ASCC3: variants seen among roughly 807,000 people sequenced by gnomAD.
ASCC3 encodes ASC-1 complex subunit P200.
ASCC3 carries 158 observed loss-of-function variants against 256.3 expected under a neutral mutation model. The ratio of observed to expected loss-of-function variants is 0.62; its 90% CI spans 0.54 to 0.70. The LOEUF (loss-of-function observed/expected upper bound fraction) is 0.70. ASCC3 is among the 30% of genes least tolerant of loss of function. The pLI is 0.00. For synonymous variants in ASCC3, 948 were observed against 883.4 expected (o/e 1.07, Z -1.30); for missense variants, 2,259 against 2,626.0 (o/e 0.86, Z 3.05).
chr6:100,767,233 G>C lies in ASCC3; in HGVS notation c.1508C>G (p.Ala503Gly). The C allele has an allele frequency of 6.2e-7, 1 of 1,614,032 alleles. No homozygotes were observed. Among genetic ancestry groups the C allele is most frequent in the Non-Finnish European group, 8.5e-7 (1 of 1,179,998 alleles). The stretch of plus-strand genomic sequence containing the variant: ...CAGCATTGCAATGTTGGTTTTTCCA[G>C]CTCCTGTAGGGGCACAAATCAGCAT... ...ENMLICAPTG[A>G]GKTNIAMLTV... The change falls in exon 9 of 42, where the codon GCT becomes GGT. Residue 503 changes from alanine to glycine, a missense_variant. Physicochemically the swap from Ala to Gly is moderately conservative, Grantham distance 60. Around this residue, in one of 2 missense-constraint regions of ASCC3, gnomAD observed 1,839 missense variants for 2,206.7 expected, o/e 0.83. Coordinates refer to ENST00000369162, the MANE Select transcript of ASCC3 (RefSeq NM_006828.4).
intron 32 of ASCC3, among the ~76,000 whole-genome samples, chr6:100,606,156 C>A (rs1169790467): frequency 6.6e-6 from 1 of 151,960 alleles, no homozygotes; most frequent in Non-Finnish European, 1.5e-5. Context: ...AAATTTCTTT[C>A]TTTTAGTCTA....
intron 37 of ASCC3, chr6:100,531,000 T>C (rs1304970709): frequency 2.5e-6 from 4 of 1,595,182 alleles, no homozygotes; most frequent in Non-Finnish European, 3.4e-6. Context: ...ATTGATGACT[T>C]TGTGGAATTT....
At chr6:100,682,101 A>G (rs948409245) in intron 13 of ASCC3, among the ~76,000 whole-genome samples, 1 of 152,196 alleles carries the variant, frequency 6.6e-6, no homozygotes. Context: ...TTCTTTTTAA[A>G]GAGCAAGGCA....
chr6:100,607,729 T>C (rs988133129), intron 30 of ASCC3, among the ~76,000 whole-genome samples: 1 of 151,704 alleles, frequency 6.6e-6, no homozygotes, highest in Admixed American at 6.6e-5. Flanking sequence ...CATATACCTA[T>C]TCAAAAATTG....
At chr6:100,570,869 C>A (rs1770551747) in intron 36 of ASCC3, among the ~76,000 whole-genome samples, 1 of 152,134 alleles carries the variant, frequency 6.6e-6, no homozygotes, top group African/African-American at 2.4e-5. Flanking sequence ...ATCATTAATT[C>A]CTATTGGCTC....
At chr6:100,691,526 A>G (rs1415748298) in intron 13 of ASCC3, among the ~76,000 whole-genome samples, 1 of 152,014 alleles carries the variant, frequency 6.6e-6, no homozygotes, top group African/African-American at 2.4e-5. Context: ...ATTTATAAAC[A>G]TGAATAACTT....
intron 13 of ASCC3, among the ~76,000 whole-genome samples, chr6:100,702,614 C>T (rs555539800): frequency 1.4e-4 from 22 of 152,004 alleles, no homozygotes; most frequent in African/African-American, 4.3e-4. Context: ...TCTAAGGCCA[C>T]GCCTGGTAGA....
At chr6:100,656,188 G>A (rs1369635828) in intron 16 of ASCC3, among the ~76,000 whole-genome samples, 2 of 151,458 alleles carry the variant, frequency 1.3e-5, no homozygotes, top group African/African-American at 4.8e-5. Flanking sequence ...GCTGAAAAAT[G>A]TAAGTGTTAA....
chr6:100,677,048 T>C (rs917398694), intron 14 of ASCC3, among the ~76,000 whole-genome samples: 7 of 152,072 alleles, frequency 4.6e-5, no homozygotes, highest in African/African-American at 9.7e-5. Flanking sequence ...TAATTTCCCA[T>C]TTTTCAAAAA....
At chr6:100,629,955 T>C (rs147037889) in intron 26 of ASCC3, among the ~76,000 whole-genome samples, 3 of 152,114 alleles carry the variant, frequency 2.0e-5, no homozygotes, top group Non-Finnish European at 4.4e-5. Flanking sequence ...TAGAGTGTAG[T>C]GGCTTGATCT....
intron 3 of ASCC3, among the ~76,000 whole-genome samples, chr6:100,862,306 C>T (rs776895988): frequency 3.3e-4 from 51 of 152,262 alleles, no homozygotes; most frequent in Non-Finnish European, 3.7e-4. Flanking sequence ...CCTTGAACTT[C>T]GGAAGATCTA....
chr6:100,799,511 C>T lies in ASCC3; in HGVS notation c.1189G>A (p.Val397Ile), dbSNP rs376345263. The T allele has an allele frequency of 2.0e-5, 33 of 1,612,920 alleles. No homozygotes were observed. Among genetic ancestry groups the T allele is most frequent in the Admixed American group, 6.7e-5 (4 of 59,910 alleles). ...PILSRQRDAD[V>I]EKIHYPHVYD... ...ACATGGGGATAATGTATTTTTTCAA[C>T]GTCTGCATCTCTCTGCCTGCTCAGA... Residue 397 changes from valine (V) to isoleucine (I), a missense_variant, in exon 7 of 42, where the codon GTT (valine) becomes ATT (isoleucine). By Grantham distance (29) the Val-to-Ile change is conservative. Around this residue, in one of 2 missense-constraint regions of ASCC3, gnomAD observed 1,839 missense variants for 2,206.7 expected, o/e 0.83. Transcript: ENST00000369162.
At chr6:100,565,383 G>A (rs1191535902) in intron 36 of ASCC3, among the ~76,000 whole-genome samples, 1 of 152,046 alleles carries the variant, frequency 6.6e-6, no homozygotes, top group South Asian at 2.1e-4. Context: ...CTTAGTGAAG[G>A]AGTAATGACC....
intron 8 of ASCC3, among the ~76,000 whole-genome samples, chr6:100,769,198 T>C (rs867121586): frequency 1.1e-4 from 17 of 152,000 alleles, no homozygotes; most frequent in African/African-American, 4.1e-4. Flanking sequence ...AGTATAATAG[T>C]GGTTACCAGA....
intron 3 of ASCC3, among the ~76,000 whole-genome samples, chr6:100,860,028 GC>G: frequency 6.6e-6 from 1 of 151,968 alleles, no homozygotes; most frequent in Middle Eastern, 3.4e-3. Flanking sequence ...ACTACTCTTG[GC>G]CCCCATCTTA....
intron 8 of ASCC3, among the ~76,000 whole-genome samples, chr6:100,785,203 A>T (rs183522999): frequency 4.0e-4 from 61 of 152,252 alleles, no homozygotes; most frequent in African/African-American, 1.2e-3. Flanking sequence ...CCTAATATTA[A>T]ATCTGTGAAA....
chr6:100,662,620 G>T (rs1049792761), intron 14 of ASCC3, 84 bp from the exon 15 acceptor site: 5 of 1,285,718 alleles, frequency 3.9e-6, no homozygotes, highest in South Asian at 1.2e-5. Context: ...GTTCATCAAA[G>T]AAATCAGAAA....
chr6:100,720,170 C>T (rs796142113), intron 11 of ASCC3, among the ~76,000 whole-genome samples: 4 of 151,774 alleles, frequency 2.6e-5, no homozygotes, highest in South Asian at 2.1e-4. Context: ...ACTAATACTT[C>T]GAAAATATGA....
intron 14 of ASCC3, among the ~76,000 whole-genome samples, chr6:100,666,597 C>T (rs1282638393): frequency 6.6e-6 from 1 of 152,008 alleles, no homozygotes; most frequent in Non-Finnish European, 1.5e-5. Flanking sequence ...AAACATCTTC[C>T]ATGTTCTTGG....
Sources: gnomAD v4.1 joint callset for allele counts (sites outside exome capture counted in the v4.1 genomes callset) on GRCh38, gnomAD v4.1.1 for gene constraint, gnomAD v4.1.1 regional missense constraint, MANE v1.5 for transcripts, NCBI Gene and HGNC (gene_info 2026-07-23, HGNC 2026-07-21) for gene names.